The following SPON1 variants were observed in gnomAD, a reference collection of about 807,000 sequenced individuals.
SPON1 encodes spondin 1, also known as spondin-1.
SPON1 carries 52 observed loss-of-function variants against 111.7 expected under a neutral mutation model. The ratio of observed to expected loss-of-function variants is 0.47; its 90% CI spans 0.37 to 0.59. The LOEUF (loss-of-function observed/expected upper bound fraction) is 0.59, where lower values mean the gene tolerates loss of function less well. Ranked by LOEUF, SPON1 falls within the 20% of genes least tolerant of loss-of-function variation. The probability of loss-of-function intolerance (pLI) is 0.00; values close to 1 mark genes in which losing one functional copy is unlikely to be tolerated. For missense variants in SPON1, 957 were observed against 1,068.5 expected (o/e 0.90, Z 1.46); for synonymous variants, 410 against 395.8 (o/e 1.04, Z -0.43).
At chr11:14,221,920 C>A (rs1016775569) in intron 6 of SPON1, among the ~76,000 whole-genome samples, 1 of 152,214 alleles carries the variant, frequency 6.6e-6, no homozygotes, top group East Asian at 1.9e-4. Flanking sequence ...GCCTTCTGGT[C>A]ACTCCCAGCC....
intron 5 of SPON1, among the ~76,000 whole-genome samples, chr11:14,109,016 G>C (rs1554925174): frequency 6.6e-6 from 1 of 152,138 alleles, no homozygotes; most frequent in Non-Finnish European, 1.5e-5. Flanking sequence ...GTCCTGGGCA[G>C]CTCCTTCTCT....
chr11:14,191,770 A>C (rs1591405733), intron 6 of SPON1, among the ~76,000 whole-genome samples: 1 of 152,198 alleles, frequency 6.6e-6, no homozygotes, highest in Non-Finnish European at 1.5e-5. Context: ...TTTCTGCCAA[A>C]ATTATGCTGA....
chr11:14,162,138 G>C (rs1436122272), intron 6 of SPON1, among the ~76,000 whole-genome samples: 1 of 113,070 alleles, frequency 8.8e-6, no homozygotes, highest in East Asian at 2.4e-4. Context: ...AGCCTGGTCA[G>C]AAAAGCAAGA....
intron 6 of SPON1, among the ~76,000 whole-genome samples, chr11:14,149,679 C>A (rs1847765332): frequency 6.6e-6 from 1 of 152,112 alleles, no homozygotes; most frequent in South Asian, 2.1e-4. Flanking sequence ...TTTAATGGTA[C>A]CTTGATATGT....
intron 6 of SPON1, among the ~76,000 whole-genome samples, chr11:14,136,748 A>G (rs1294393584): frequency 1.3e-5 from 2 of 152,210 alleles, no homozygotes; most frequent in Non-Finnish European, 2.9e-5. Context: ...CTTGGAAAAA[A>G]AGATGTTTGA....
intron 6 of SPON1, among the ~76,000 whole-genome samples, chr11:14,165,842 G>A (rs1848023326): frequency 1.3e-5 from 2 of 152,180 alleles, no homozygotes; most frequent in African/African-American, 2.4e-5. Flanking sequence ...AAAAAGTGCA[G>A]CAAGAATAAT....
At chr11:14,073,234 C>A (rs1554921103) in intron 3 of SPON1, among the ~76,000 whole-genome samples, 1 of 152,150 alleles carries the variant, frequency 6.6e-6, no homozygotes, top group East Asian at 1.9e-4. Context: ...GGTATCACCA[C>A]CACAGCCTGC....
chr11:14,026,626 C>G (rs1410410771), intron 2 of SPON1, among the ~76,000 whole-genome samples: 1 of 152,124 alleles, frequency 6.6e-6, no homozygotes, highest in Non-Finnish European at 1.5e-5. Context: ...ATGCCGATGT[C>G]TGCTGACTTA....
At chr11:14,186,931 G>A (rs58711558) in intron 6 of SPON1, among the ~76,000 whole-genome samples, 273 of 152,298 alleles carry the variant, frequency 1.8e-3, no homozygotes, top group African/African-American at 6.5e-3. Flanking sequence ...TGAGCACTGT[G>A]TATTATTAGT....
chr11:14,158,174 T>A (rs1554930574), intron 6 of SPON1, among the ~76,000 whole-genome samples: 1 of 152,130 alleles, frequency 6.6e-6, no homozygotes, highest in Admixed American at 6.6e-5. Flanking sequence ...TTGGGTTGTT[T>A]TTAAGCTGGA....
intron 5 of SPON1, among the ~76,000 whole-genome samples, chr11:14,088,742 A>G (rs1225803741): frequency 1.3e-5 from 2 of 151,948 alleles, no homozygotes; most frequent in African/African-American, 4.8e-5. Flanking sequence ...ACTTGGTTCC[A>G]TTCTTGTCCT....
At chr11:14,140,177 T>C (rs782252079) in intron 6 of SPON1, among the ~76,000 whole-genome samples, 3 of 151,984 alleles carry the variant, frequency 2.0e-5, no homozygotes, top group Admixed American at 6.6e-5. Flanking sequence ...TCTGCTGGAG[T>C]CTCCTTTTCC....
intron 5 of SPON1, among the ~76,000 whole-genome samples, chr11:14,080,858 A>G (rs1848957039): frequency 6.6e-6 from 1 of 152,068 alleles, no homozygotes. Flanking sequence ...CTGATGTGGG[A>G]GGATCCTTTG....
intron 3 of SPON1, among the ~76,000 whole-genome samples, chr11:14,045,985 G>A (rs78968607): frequency 6.6e-6 from 1 of 151,982 alleles, no homozygotes; most frequent in Non-Finnish European, 1.5e-5. Flanking sequence ...AATAAATGTA[G>A]GTCTTTAATC....
chr11:14,076,537 T>C (rs1848919409), intron 4 of SPON1, among the ~76,000 whole-genome samples: 1 of 152,192 alleles, frequency 6.6e-6, no homozygotes, highest in African/African-American at 2.4e-5. Flanking sequence ...TTTTATTTTA[T>C]GGATGAGGGG....
intron 5 of SPON1, among the ~76,000 whole-genome samples, chr11:14,120,847 C>G (rs1438691925): frequency 6.6e-6 from 1 of 152,130 alleles, no homozygotes; most frequent in East Asian, 1.9e-4. Context: ...AAGATAGGTA[C>G]TATTATTATT....
intron 2 of SPON1, among the ~76,000 whole-genome samples, chr11:14,012,225 G>A (rs1848410853): frequency 6.6e-6 from 1 of 152,124 alleles, no homozygotes; most frequent in African/African-American, 2.4e-5. Context: ...GCTGGCTTCA[G>A]GGCCTCCTTG....
At chr11:14,144,998 G>T (rs566413178) in intron 6 of SPON1, among the ~76,000 whole-genome samples, 32 of 152,000 alleles carry the variant, frequency 2.1e-4, no homozygotes, top group South Asian at 8.3e-4. Context: ...TGTAGTATGG[G>T]TAAGTGGGCA....
At chr11:14,239,922 A>G (rs782175375) in intron 6 of SPON1, among the ~76,000 whole-genome samples, 5 of 152,246 alleles carry the variant, frequency 3.3e-5, no homozygotes, top group Non-Finnish European at 5.9e-5. Context: ...AGTAGAAATT[A>G]GTACAGACAT....
Sources: gnomAD v4.1 joint callset for allele counts (sites outside exome capture counted in the v4.1 genomes callset) on GRCh38, gnomAD v4.1.1 for gene constraint, MANE v1.5 for transcripts, NCBI Gene and HGNC (gene_info 2026-07-23, HGNC 2026-07-21) for gene names.